The following LPO variants were observed in gnomAD, a reference collection of about 807,000 sequenced individuals.
The protein encoded by LPO is salivary peroxidase.
In LPO, 70 loss-of-function variants were observed where a neutral mutation model predicts 68.4. The ratio of observed to expected loss-of-function variants is 1.02; its 90% confidence interval spans 0.84 to 1.25. LPO has a LOEUF of 1.25. Ranked by LOEUF, LPO falls within the 50% of genes most tolerant of loss-of-function variation. The pLI is 0.00. For missense variants in LPO, 873 were observed against 908.4 expected (o/e 0.96, Z 0.50); for synonymous variants, 360 against 357.6 (o/e 1.01, Z -0.08).
intron 4 of LPO, among the ~76,000 whole-genome samples, chr17:58,248,653 G>T (rs975398596): frequency 2.0e-5 from 3 of 152,074 alleles, no homozygotes; most frequent in Admixed American, 2.0e-4. Context: ...CTTCAGATGT[G>T]AACGAAGCTT....
At chr17:58,251,377 A>T (rs1201909476) in intron 7 of LPO, 1 of 155,030 alleles carries the variant, frequency 6.5e-6, no homozygotes, top group Non-Finnish European at 1.4e-5. Flanking sequence ...ATCAACAGAG[A>T]TTCATTTTAT....
chr17:58,242,293 T>C (rs558311488), intron 1 of LPO, among the ~76,000 whole-genome samples: 1 of 152,346 alleles, frequency 6.6e-6, no homozygotes, highest in African/African-American at 2.4e-5. Flanking sequence ...GCTGGAATCT[T>C]TCCAGGCAGC....
intron 1 of LPO, among the ~76,000 whole-genome samples, chr17:58,239,734 C>G (rs1969719980): frequency 6.6e-6 from 1 of 152,156 alleles, no homozygotes; most frequent in Non-Finnish European, 1.5e-5. Context: ...GGTCTGCAGA[C>G]CAGCAACATC....
intron 7 of LPO, chr17:58,251,575 T>G: frequency 3.9e-6 from 1 of 254,024 alleles, no homozygotes; most frequent in South Asian, 4.8e-5. Flanking sequence ...TGGAGAGTCA[T>G]TTCTTCACTC....
rs376165550 is a variant in LPO at position 58,252,296 on chromosome 17, G to T, written c.895G>T (p.Ala299Ser). 7 of 1,614,144 alleles carry T rather than the reference G, an allele frequency of 4.3e-6. No homozygotes were observed. The highest frequency in any genetic ancestry group is 5.9e-6 in the Non-Finnish European group (7 of 1,180,026). The part of the protein sequence containing the change: ...YKSLAREQIN[A>S]LTSFLDASFV... ...GTCCCTGGCCCGAGAGCAGATCAAC[G>T]CTCTGACCTCCTTCCTGGATGCCAG... Residue 299 changes from alanine to serine, a missense_variant, in exon 8 of 13, where the codon GCT (alanine) becomes TCT (serine). Transcript: ENST00000262290.
chr17:58,250,500 G>A lies in LPO; in HGVS notation c.659G>A (p.Trp220Ter). Residue 220 changes from tryptophan to a stop codon, truncating the protein, a stop_gained, in exon 7 of 13, where the codon TGG becomes TAG. Coordinates refer to ENST00000262290, the MANE Select transcript of LPO (RefSeq NM_006151.3). LOFTEE classifies it high-confidence loss of function. The stretch of plus-strand genomic sequence containing the variant: ...AACAGGTCCCTGCTCTTCATGCAGT[G>A]GGGTCAGATTGTGGATCATGACCTG... ...DQNRSLLFMQ[W>*]GQIVDHDLDF... is the part of the protein sequence containing the mutation. 1.2e-6 allele frequency: 2 copies of A among 1,614,098 alleles called. No homozygotes were observed. Among genetic ancestry groups the A allele is most frequent in the Non-Finnish European group, 8.5e-7 (1 of 1,180,006 alleles).
In LPO at chr17:58,250,601, G is replaced by A. The variant is rs778682965; in HGVS notation, c.760G>A (p.Asp254Asn). 5.0e-6 allele frequency: 8 copies of A among 1,614,092 alleles called. No individual in the cohort carries two copies. Among genetic ancestry groups the A allele is most frequent in the Non-Finnish European group, 6.8e-6 (8 of 1,180,028 alleles). ...GTGTGATGAGTACTGTATCCAGGGA[G>A]ACAACTGCTTCCCCATCATGGTACG... ...AQCDEYCIQGDNCFPIMFPPN... is the reference protein window; with the variant it reads ...AQCDEYCIQGNNCFPIMFPPN... Residue 254 changes from aspartate to asparagine, a missense_variant, in exon 7 of 13, where the codon GAC becomes AAC. Coordinates refer to ENST00000262290, the MANE Select transcript of LPO (RefSeq NM_006151.3).
In LPO at chr17:58,264,839, T is replaced by G; in HGVS notation, c.1384T>G (p.Phe462Val). ...TCCCAGAATTTCCAATGTCTTCACCTTCGCCTTCCGCTTTGGCCACTTGGA... is the reference window on the plus strand; with the variant it reads ...TCCCAGAATTTCCAATGTCTTCACCGTCGCCTTCCGCTTTGGCCACTTGGA... Reference protein sequence around the residue: ...VDPRISNVFTFAFRFGHLEVP... With the variant: ...VDPRISNVFTVAFRFGHLEVP... The change falls in exon 10 of 13, where the codon TTC becomes GTC. Residue 462 changes from phenylalanine to valine, a missense_variant. Physicochemically the swap from Phe to Val is conservative, Grantham distance 50. Coordinates refer to ENST00000262290, the MANE Select transcript of LPO (RefSeq NM_006151.3). The G allele has an allele frequency of 6.2e-7, 1 of 1,614,252 alleles. No individual in the cohort carries two copies. Among genetic ancestry groups the G allele is most frequent in the Non-Finnish European group, 8.5e-7 (1 of 1,180,040 alleles).
At position 58,268,009 on chromosome 17, in the gene LPO, C is replaced by T. The variant is rs777060459; in HGVS notation, c.*15C>T. 9.9e-6 allele frequency: 16 copies of T among 1,612,366 alleles called. No homozygotes were observed. Among genetic ancestry groups the T allele is most frequent in the Non-Finnish European group, 9.3e-6 (11 of 1,179,778 alleles). On this transcript the variant is annotated 3_prime_UTR_variant, in exon 13 of 13. Transcript: ENST00000262290. ...TGAAGAATTAGGGGCCCGCGCTGCA[C>T]AGGAAAGTTCCCTTTGGTCCACAGG... is the stretch of plus-strand genomic sequence containing the variant.
At chr17:58,246,684 G>T (rs997549831) in intron 3 of LPO, among the ~76,000 whole-genome samples, 1 of 152,178 alleles carries the variant, frequency 6.6e-6, no homozygotes, top group Non-Finnish European at 1.5e-5. Context: ...GTGTGAGGTG[G>T]GGACTCTAAA....
intron 4 of LPO, among the ~76,000 whole-genome samples, chr17:58,247,851 T>C (rs1307723833): frequency 6.6e-6 from 1 of 152,194 alleles, no homozygotes; most frequent in Non-Finnish European, 1.5e-5. Context: ...AGGAAGAAAC[T>C]GAGACCTAGC....
intron 1 of LPO, among the ~76,000 whole-genome samples, chr17:58,239,026 C>T (rs142588293): frequency 2.6e-5 from 4 of 152,176 alleles, no homozygotes; most frequent in Admixed American, 2.6e-4. Context: ...CTCTCTTATC[C>T]ACCTTGTTTA....
At chr17:58,256,597 T>G (rs1404859320) in intron 9 of LPO, among the ~76,000 whole-genome samples, 1 of 151,840 alleles carries the variant, frequency 6.6e-6, no homozygotes, top group African/African-American at 2.4e-5. Context: ...GAGCAGATCA[T>G]AAGGTCAAGA....
At chr17:58,260,506 T>G (rs576932330) in intron 9 of LPO, among the ~76,000 whole-genome samples, 109 of 152,356 alleles carry the variant, frequency 7.2e-4, no homozygotes, top group African/African-American at 2.5e-3. Context: ...CCATTAAGTA[T>G]AAGATTAGTT....
chr17:58,267,514 A>G lies in LPO; in HGVS notation c.1859A>G (p.Glu620Gly). Residue 620 changes from glutamate (E) to glycine (G), a missense_variant, in exon 12 of 13, where the codon GAA becomes GGA. Transcript: ENST00000262290. ...GGGGCCATTGCTGAGCCGCTGGTGG[A>G]AAGGGGTCGGGTGGGGCCTCTCCTG... The part of the protein sequence containing the change: ...WIGAIAEPLV[E>G]RGRVGPLLAC... The G allele has an allele frequency of 6.2e-7, 1 of 1,614,196 alleles. No individual in the cohort carries two copies. The highest frequency in any genetic ancestry group is 8.5e-7 in the Non-Finnish European group (1 of 1,180,030).
At chr17:58,251,520 G>A (rs538549680) in intron 7 of LPO, 1 of 221,272 alleles carries the variant, frequency 4.5e-6, no homozygotes, top group Admixed American at 5.1e-5. Context: ...AGGGAGAGGA[G>A]CTTGCAGCAA....
rs752781248 is a variant in LPO at position 58,264,910 on chromosome 17, G to A, written c.1455G>A (p.Trp485Ter). Reference protein sequence around the residue: ...MFRLDENYQPWGPEPELPLHT... With the variant: ...MFRLDENYQP ...GCCTGGATGAGAATTATCAGCCATG[G>A]GGGCCAGAACCAGAACTCCCCCTCC... Residue 485 changes from tryptophan to a stop codon, truncating the protein, a stop_gained, in exon 10 of 13, where the codon TGG becomes TGA. Coordinates refer to ENST00000262290, the MANE Select transcript of LPO (RefSeq NM_006151.3). LOFTEE classifies it high-confidence loss of function. 3.1e-6 allele frequency: 5 copies of A among 1,614,064 alleles called. No individual in the cohort carries two copies. The highest frequency in any genetic ancestry group is 1.7e-5 in the Admixed American group (1 of 60,008).
Position 58,264,885 on chromosome 17 carries a change from G to T in LPO, c.1430G>T (p.Arg477Leu). ...GHLEVPSSMF[R>L]LDENYQPWGP... ...TTGGAGGTCCCCTCTAGTATGTTCCGCCTGGATGAGAATTATCAGCCATGG... is the reference window on the plus strand; with the variant it reads ...TTGGAGGTCCCCTCTAGTATGTTCCTCCTGGATGAGAATTATCAGCCATGG... The change falls in exon 10 of 13, where the codon CGC becomes CTC. Residue 477 changes from arginine to leucine, a missense_variant. By Grantham distance (102) the Arg-to-Leu change is moderately radical. Transcript: ENST00000262290. 1 of 1,614,130 alleles carries T rather than the reference G, an allele frequency of 6.2e-7. No homozygotes were observed. The highest frequency in any genetic ancestry group is 2.2e-5 in the East Asian group (1 of 44,886).
chr17:58,249,435 C>A (rs1969914448), intron 5 of LPO, 131 bp from the exon 6 acceptor site: 1 of 1,374,996 alleles, frequency 7.3e-7, no homozygotes, highest in Admixed American at 2.7e-5. Context: ...GTTCAGAGAC[C>A]CCAAATTTGA....
Sources: allele counts gnomAD v4.1 joint callset (sites outside exome capture counted in the v4.1 genomes callset), GRCh38; gene constraint gnomAD v4.1.1; transcripts MANE v1.5; gene names NCBI Gene and HGNC (gene_info 2026-07-23, HGNC 2026-07-21).